ZNF680: variants seen among roughly 807,000 people sequenced by gnomAD.
ZNF680 encodes the protein zinc finger protein 680, also known as hypothetical protein FLJ90430.
Under a neutral mutation model 12.1 loss-of-function variants are expected in ZNF680, and 6 were observed. That is an observed-to-expected ratio of 0.49 (90% CI 0.27 to 0.98). The LOEUF (loss-of-function observed/expected upper bound fraction) is 0.98. Among genes scored for constraint, ZNF680 ranks in the 50% least tolerant of loss-of-function variants. The pLI is 0.12. For synonymous variants in ZNF680, 170 were observed against 199.3 expected, an observed-to-expected ratio of 0.85 and a Z score of 1.24; for missense variants, 561 against 616.3, an observed-to-expected ratio of 0.91 and a Z score of 0.95.
At chr7:64,500,208 C>T in the ZNF680 span, among the ~76,000 whole-genome samples, 1 of 152,032 alleles carries the variant, frequency 6.6e-6, no homozygotes, top group Non-Finnish European at 1.5e-5. Context: ...AATAATTTCC[C>T]CTGGGAACAC....
intron 3 of ZNF680, chr7:64,524,605 CT>C (rs1791732895): frequency 6.6e-6 from 1 of 152,102 alleles, no homozygotes; most frequent in African/African-American, 2.4e-5. Flanking sequence ...TAATGCTTCA[CT>C]TTCTGTAATA....
intron 1 of ZNF680, among the ~76,000 whole-genome samples, chr7:64,554,797 G>A (rs867533599): frequency 1.3e-5 from 2 of 152,048 alleles, no homozygotes; most frequent in African/African-American, 2.4e-5. Flanking sequence ...CGGCATACTC[G>A]TTAAGAGTCA....
intron 3 of ZNF680, among the ~76,000 whole-genome samples, chr7:64,533,073 G>T (rs1239217613): frequency 1.3e-5 from 2 of 152,154 alleles, no homozygotes; most frequent in East Asian, 3.8e-4. Context: ...TACTGAATGG[G>T]AAAAAAGTTG....
At chr7:64,532,597 AAAG>A (rs1785947880) in intron 3 of ZNF680, among the ~76,000 whole-genome samples, 1 of 152,184 alleles carries the variant, frequency 6.6e-6, no homozygotes, top group Non-Finnish European at 1.5e-5. Flanking sequence ...CCAGACACTC[AAAG>A]AAGAATTGGT....
intron 3 of ZNF680, among the ~76,000 whole-genome samples, chr7:64,542,708 A>AT (rs1786568970): frequency 6.6e-6 from 1 of 152,154 alleles, no homozygotes; most frequent in African/African-American, 2.4e-5. Context: ...GAAGAGGCAA[A>AT]TAATTATTTT....
the ZNF680 span, among the ~76,000 whole-genome samples, chr7:64,503,301 C>G: frequency 1.3e-5 from 2 of 151,076 alleles, no homozygotes; most frequent in South Asian, 2.1e-4. Flanking sequence ...TTCAGTACCT[C>G]TAAAGGTGGT....
In ZNF680 at chr7:64,520,151, C is replaced by T. The variant is rs968118243; in HGVS notation, c.*1010G>A. On this transcript the variant is annotated 3_prime_UTR_variant, in exon 4 of 4. Coordinates refer to ENST00000309683, the MANE Select transcript of ZNF680 (RefSeq NM_178558.5). ...ATCATAAACCTTACATTTTAATGCCCATACTCTTCCACAGAAAAAACCATA... is the reference window on the plus strand; with the variant it reads ...ATCATAAACCTTACATTTTAATGCCTATACTCTTCCACAGAAAAAACCATA... 2.0e-5 allele frequency: 3 copies of T among 151,580 alleles called. No individual in the cohort carries two copies. The highest frequency in any genetic ancestry group is 4.4e-5 in the Non-Finnish European group (3 of 67,606). The allele number at this position is 151,580 out of a possible 1,614,324, so 9.4% of individuals were successfully genotyped here.
In ZNF680 at chr7:64,521,453, T is replaced by C; in HGVS notation, c.1301A>G (p.Tyr434Cys). ...HKRIHTRENT[Y>C]KCEECGKGFT... is the part of the protein sequence containing the mutation. ...GCCTTTGCCACATTCTTCACATTTGTAGGTATTCTCTCTAGTGTGAATTCT... is the reference window on the plus strand; with the variant it reads ...GCCTTTGCCACATTCTTCACATTTGCAGGTATTCTCTCTAGTGTGAATTCT... The change falls in exon 4 of 4, where the codon TAC (tyrosine) becomes TGC (cysteine). Residue 434 changes from tyrosine (Y) to cysteine (C), a missense_variant. Coordinates refer to ENST00000309683, the MANE Select transcript of ZNF680 (RefSeq NM_178558.5). 1.2e-6 allele frequency: 2 copies of C among 1,613,472 alleles called. No individual in the cohort carries two copies. Among genetic ancestry groups the C allele is most frequent in the South Asian group, 1.1e-5 (1 of 91,066 alleles).
the ZNF680 span, among the ~76,000 whole-genome samples, chr7:64,505,783 T>C: frequency 3.3e-5 from 5 of 152,094 alleles, no homozygotes; most frequent in Non-Finnish European, 5.9e-5. Context: ...CTTTTTTTTT[T>C]TCCTCTGCCA....
intron 1 of ZNF680, among the ~76,000 whole-genome samples, chr7:64,550,501 T>TA (rs1435683385): frequency 6.6e-6 from 1 of 152,058 alleles, no homozygotes; most frequent in Non-Finnish European, 1.5e-5. Context: ...ATAAATGGAG[T>TA]AGTAGCAGGT....
In ZNF680 at chr7:64,563,059, A is replaced by G. The variant is rs6965883; in HGVS notation, c.-105T>C. On this transcript the variant is annotated 5_prime_UTR_variant, in exon 1 of 4. Transcript: ENST00000309683. Reference sequence around the variant, plus strand: ...TAAAGACTAGACCTGGAGCTCCCGCAGCAGCTAGAGACAAAGGCCCCGCCA... The same window carrying G: ...TAAAGACTAGACCTGGAGCTCCCGCGGCAGCTAGAGACAAAGGCCCCGCCA... The G allele has an allele frequency of 0.23, 309,308 of 1,368,790 alleles. 35,983 individuals carry two copies. The highest frequency in any genetic ancestry group is 0.26 in the South Asian group (21,635 of 84,838). The allele number at this position is 1,368,790 out of a possible 1,614,324, so 84.8% of individuals were successfully genotyped here. A position where few individuals can be genotyped will look rare whatever the true frequency, so the allele number is the denominator to read the frequency against.
rs142017651 is a variant in ZNF680, at chr7:64,541,147, GTTAT to G, written c.253+2556_253+2559del. Reference sequence around the variant, plus strand: ...CAAATATTTAGAAATTAGTTATGTTGTTATTTAGATATATGCTTAAGTGGGTGAA... The same window carrying G: ...CAAATATTTAGAAATTAGTTATGTTGTTAGATATATGCTTAAGTGGGTGAA... On this transcript the variant is annotated intron_variant, in intron 3 of 3. Transcript: ENST00000309683. 0.031 allele frequency among the ~76,000 whole-genome samples: 4,658 copies of G among 152,080 alleles called. 351 individuals are homozygous for G. The East Asian group carries it at 0.32, about 11-fold the overall frequency.
downstream of ZNF680, among the ~76,000 whole-genome samples, chr7:64,517,972 A>G (rs1055059536): frequency 1.3e-5 from 2 of 152,106 alleles, no homozygotes; most frequent in African/African-American, 4.8e-5. Flanking sequence ...CACACAGCCT[A>G]CATAACACTG....
chr7:64,516,210 T>C (rs879093551), downstream of ZNF680, among the ~76,000 whole-genome samples: 1 of 152,242 alleles, frequency 6.6e-6, no homozygotes, highest in Admixed American at 6.5e-5. Flanking sequence ...ACTTTTGTGT[T>C]CGTACTTTTT....
At chr7:64,547,030 G>A (rs1312359496) in intron 1 of ZNF680, among the ~76,000 whole-genome samples, 1 of 151,820 alleles carries the variant, frequency 6.6e-6, no homozygotes, top group African/African-American at 2.4e-5. Flanking sequence ...CTGTGGAAAA[G>A]ACACAAGTAA....
At chr7:64,528,321 C>T (rs918861298) in intron 3 of ZNF680, among the ~76,000 whole-genome samples, 27 of 152,128 alleles carry the variant, frequency 1.8e-4, no homozygotes, top group African/African-American at 5.6e-4. Context: ...CGGCAAAGGG[C>T]GAGAATCCAT....
intron 3 of ZNF680, among the ~76,000 whole-genome samples, chr7:64,539,130 C>CAAAAAAA (rs529165573): frequency 3.9e-5 from 3 of 77,702 alleles, no homozygotes; most frequent in Non-Finnish European, 7.1e-5. Context: ...GACTCCATCT[C>CAAAAAAA]AAAAAAAAAA....
intron 3 of ZNF680, among the ~76,000 whole-genome samples, chr7:64,532,976 T>G (rs1438245748): frequency 6.6e-6 from 1 of 152,228 alleles, no homozygotes; most frequent in African/African-American, 2.4e-5. Context: ...CATCTCTTTA[T>G]GATTAAAACT....
chr7:64,518,136 T>A (rs1791391605), downstream of ZNF680, among the ~76,000 whole-genome samples: 1 of 151,992 alleles, frequency 6.6e-6, no homozygotes, highest in African/African-American at 2.4e-5. Flanking sequence ...ATTTAAGCTG[T>A]CACTATTTGT....
Sources: allele counts gnomAD v4.1 joint callset (sites outside exome capture counted in the v4.1 genomes callset), GRCh38; gene constraint gnomAD v4.1.1; transcripts MANE v1.5; gene names NCBI Gene and HGNC (gene_info 2026-07-23, HGNC 2026-07-21).